The following DIP2A variants were observed in gnomAD, a reference collection of about 807,000 sequenced individuals.
DIP2A encodes DIP2 acetate--CoA ligase A.
DIP2A carries 85 observed loss-of-function variants against 177.4 expected under a neutral mutation model. The ratio of observed to expected loss-of-function variants is 0.48; its 90% confidence interval spans 0.40 to 0.57. The LOEUF (loss-of-function observed/expected upper bound fraction) is 0.57, where lower values mean the gene tolerates loss of function less well. Ranked by LOEUF, DIP2A falls within the 20% of genes least tolerant of loss-of-function variation. The pLI is 0.00. For synonymous variants in DIP2A, 886 were observed against 881.8 expected (o/e 1.00, Z -0.08); for missense variants, 1,791 against 2,100.2 (o/e 0.85, Z 2.88).
intron 35 of DIP2A, among the ~76,000 whole-genome samples, 163 bp downstream of exon 35, chr21:46,564,095 A>C (rs1033901229): frequency 1.3e-5 from 2 of 152,214 alleles, no homozygotes; most frequent in Non-Finnish European, 2.9e-5. Flanking sequence ...GTTCCTATGT[A>C]GGATTTTGGG....
intron 8 of DIP2A, among the ~76,000 whole-genome samples, chr21:46,526,116 G>T (rs889914846): frequency 2.6e-5 from 4 of 151,424 alleles, no homozygotes; most frequent in African/African-American, 9.7e-5. Context: ...CACCATGTTG[G>T]CCAGGCTGGT....
Position 46,569,061 on chromosome 21 carries a change from G to A in DIP2A, c.*1439G>A, listed in dbSNP as rs555640957. ...CTTCTAAGAATTTGAAGTCAAGCACGAATCTAAGACATAGATTATTTTTAT... is the reference window on the plus strand; with the variant it reads ...CTTCTAAGAATTTGAAGTCAAGCACAAATCTAAGACATAGATTATTTTTAT... On this transcript the variant is annotated 3_prime_UTR_variant, in exon 38 of 38. Coordinates refer to ENST00000417564, the MANE Select transcript of DIP2A (RefSeq NM_015151.4). 2 of 152,316 alleles carry A rather than the reference G, an allele frequency of 1.3e-5. No individual in the cohort carries two copies. Among genetic ancestry groups the A allele is most frequent in the South Asian group, 2.1e-4 (1 of 4,828 alleles). 9.4% of individuals were successfully genotyped at this position (152,316 alleles called of 1,614,324 possible).
Position 46,509,250 on chromosome 21 carries a change from G to A in DIP2A, c.785-7G>A, listed in dbSNP as rs536351238. 59 of 1,610,662 alleles carry A rather than the reference G, an allele frequency of 3.7e-5. No individual in the cohort carries two copies. In the Admixed American group the frequency reaches 5.7e-4, roughly 16 times the overall value. ...GCCTCAGTGCTCCTCTGTCCTTCCC[G>A]TGACAGGTGTCCCTGTGAACAGCAG... On this transcript the variant is annotated splice_polypyrimidine_tract_variant and splice_region_variant and intron_variant, in intron 6 of 37. Coordinates refer to ENST00000417564, the MANE Select transcript of DIP2A (RefSeq NM_015151.4).
In DIP2A at chr21:46,567,404, G is replaced by A. The variant is rs1421598695; in HGVS notation, c.4498G>A (p.Val1500Met). 1.2e-6 allele frequency: 2 copies of A among 1,613,908 alleles called. No homozygotes were observed. Among genetic ancestry groups the A allele is most frequent in the South Asian group, 2.2e-5 (2 of 91,064 alleles). The change falls in exon 38 of 38, where the codon GTG becomes ATG. Residue 1500 changes from valine (V) to methionine (M), a missense_variant. Transcript: ENST00000417564. ...CACCTGGACCAACCTGCTGGTGGTG[G>A]TGGTGGAGCTGGATGGGCTAGAGCA... Reference protein sequence around the residue: ...VFTWTNLLVVVVELDGLEQDA... With the variant: ...VFTWTNLLVVMVELDGLEQDA...
At chr21:46,507,935 G>A (rs2058101872) in intron 6 of DIP2A, among the ~76,000 whole-genome samples, 1 of 151,568 alleles carries the variant, frequency 6.6e-6, no homozygotes, top group Non-Finnish European at 1.5e-5. Flanking sequence ...TAGTAGAGAT[G>A]GGATTTTGAC....
chr21:46,563,245 T>C lies in DIP2A; in HGVS notation c.4090-613T>C, dbSNP rs943556721. On this transcript the variant is annotated intron_variant, in intron 34 of 37. Transcript: ENST00000417564. This position sits in a 1 kb window ranked among gnomAD's most constrained non-coding sequence, Gnocchi z 4.3. The stretch of plus-strand genomic sequence containing the variant: ...TCTTGCCTGCCCTGAGCCTGCAGTG[T>C]CATTGCCCCCATTTCATACGTGAGG... 1.3e-5 allele frequency among the ~76,000 whole-genome samples: 2 copies of C among 152,162 alleles called. No homozygotes were observed. The highest frequency in any genetic ancestry group is 4.8e-5 in the African/African-American group (2 of 41,438).
intron 23 of DIP2A, among the ~76,000 whole-genome samples, chr21:46,551,099 A>C (rs2060255750): frequency 6.6e-6 from 1 of 152,220 alleles, no homozygotes; most frequent in Non-Finnish European, 1.5e-5. Flanking sequence ...CGAGCTGGAC[A>C]CATCACATCA....
At chr21:46,538,895 T>G in intron 16 of DIP2A, 1 of 337,214 alleles carries the variant, frequency 3.0e-6, no homozygotes, top group Non-Finnish European at 5.5e-6. Flanking sequence ...GGCCTGGGGT[T>G]CCTGTTTCTC....
chr21:46,536,546 T>G (rs1307867822), intron 13 of DIP2A, among the ~76,000 whole-genome samples: 2 of 152,210 alleles, frequency 1.3e-5, no homozygotes, highest in African/African-American at 4.8e-5. Flanking sequence ...AGAATATCCC[T>G]GACAGTTTTT....
chr21:46,573,645 C>CAAAAAAAAAAAAAA (rs201994694), downstream of DIP2A, among the ~76,000 whole-genome samples: 36 of 52,976 alleles, frequency 6.8e-4, 2 homozygotes, highest in South Asian at 1.5e-3. Context: ...CCCTCTCTCA[C>CAAAAAAAAAAAAAA]AAAAAAAAAA....
chr21:46,581,458 A>G, the DIP2A span, among the ~76,000 whole-genome samples: 3 of 152,138 alleles, frequency 2.0e-5, no homozygotes, highest in East Asian at 1.9e-4. Flanking sequence ...CAGTTCATCC[A>G]TCTCAGCCTC....
intron 23 of DIP2A, 100 bp downstream of exon 23, chr21:46,550,844 C>A: frequency 8.1e-7 from 1 of 1,230,348 alleles, no homozygotes; most frequent in Middle Eastern, 1.9e-4. Context: ...GTGCCAACTG[C>A]CCACGTCTTT....
chr21:46,545,765 T>G, intron 19 of DIP2A, 116 bp from the exon 20 acceptor site: 1 of 1,240,848 alleles, frequency 8.1e-7, no homozygotes, highest in East Asian at 2.4e-5. Context: ...AGCCTCCTTT[T>G]TCCCCCTGGC....
intron 17 of DIP2A, among the ~76,000 whole-genome samples, chr21:46,540,347 A>C (rs529261462): frequency 6.6e-6 from 1 of 152,176 alleles, no homozygotes; most frequent in Non-Finnish European, 1.5e-5. Context: ...GGAACCACTG[A>C]CCTGCCTGGA....
At chr21:46,524,197 C>T (rs2058960212) in intron 8 of DIP2A, among the ~76,000 whole-genome samples, 1 of 152,216 alleles carries the variant, frequency 6.6e-6, no homozygotes, top group Non-Finnish European at 1.5e-5. Flanking sequence ...TAGTGGTTAA[C>T]ATTCTGTAGT....
chr21:46,479,141 C>T (rs1024023863), intron 1 of DIP2A, among the ~76,000 whole-genome samples: 7 of 152,190 alleles, frequency 4.6e-5, no homozygotes, highest in South Asian at 2.1e-4. Context: ...CAGGGCACCT[C>T]GTCCGTGATG....
At position 46,519,000 on chromosome 21, in the gene DIP2A, G is replaced by C. The variant is rs138998367; in HGVS notation, c.1102+7386G>C. Among the ~76,000 whole-genome samples, 232 of 152,322 alleles carry C rather than the reference G, an allele frequency of 1.5e-3. 2 individuals are homozygous for C. In the East Asian group the frequency reaches 0.039, roughly 25 times the overall value. ...ATTTCTTGACTATATGCTAAACAAG[G>C]GGTGGATTATTCATAAATTTTCTGG... On this transcript the variant is annotated intron_variant, in intron 8 of 37. Coordinates refer to ENST00000417564, the MANE Select transcript of DIP2A (RefSeq NM_015151.4).
intron 9 of DIP2A, among the ~76,000 whole-genome samples, chr21:46,530,928 A>C (rs1289953189): frequency 6.6e-6 from 1 of 152,204 alleles, no homozygotes; most frequent in Non-Finnish European, 1.5e-5. Context: ...AGGGAATATA[A>C]TTTTAACTTA....
rs148713554 is a variant in DIP2A at position 46,562,042 on chromosome 21, G to T, written c.4089+237G>T. ...AAAGCCAAGAAAGGGAGAAGTTCAG[G>T]TGCAGGAATAAAGAACTCCCGCTGG... On this transcript the variant is annotated intron_variant, in intron 34 of 37. Coordinates refer to ENST00000417564, the MANE Select transcript of DIP2A (RefSeq NM_015151.4). 7.2e-5 allele frequency among the ~76,000 whole-genome samples: 11 copies of T among 152,256 alleles called. No homozygotes were observed. In the East Asian group the frequency reaches 1.9e-3, roughly 27 times the overall value.
Sources: gnomAD v4.1 joint callset for allele counts (sites outside exome capture counted in the v4.1 genomes callset) on GRCh38, gnomAD v4.1.1 for gene constraint, Gnocchi (gnomAD v3.1) non-coding constraint, MANE v1.5 for transcripts, NCBI Gene and HGNC (gene_info 2026-07-23, HGNC 2026-07-21) for gene names.